GLDC: variants seen among roughly 807,000 people sequenced by gnomAD.
GLDC encodes glycine dehydrogenase (decarboxylating), mitochondrial.
In GLDC, 104 loss-of-function variants were observed where a neutral mutation model predicts 121.3. The observed-to-expected ratio is 0.86, with a 90% CI of 0.73 to 1.01. The LOEUF is 1.01. Ranked by LOEUF, GLDC falls within the 50% of genes least tolerant of loss-of-function variation. The probability of loss-of-function intolerance (pLI) is 0.00; values close to 1 mark genes in which losing one functional copy is unlikely to be tolerated. For synonymous variants in GLDC, 546 were observed against 480.6 expected, an observed-to-expected ratio of 1.14 and a Z score of -1.78; for missense variants, 1,429 against 1,306.6, an observed-to-expected ratio of 1.09 and a Z score of -1.44.
chr9:6,619,586 G>C (rs894654916), intron 3 of GLDC, among the ~76,000 whole-genome samples: 1 of 152,052 alleles, frequency 6.6e-6, no homozygotes, highest in Non-Finnish European at 1.5e-5. Flanking sequence ...AAATTAGCCG[G>C]GGGTGGTTGT....
At chr9:6,637,033 G>A (rs183526612) in intron 2 of GLDC, among the ~76,000 whole-genome samples, 8 of 152,096 alleles carry the variant, frequency 5.3e-5, no homozygotes, top group Admixed American at 5.2e-4. Flanking sequence ...GCAGTGAGCC[G>A]AGATCGTGCC....
At chr9:6,585,288 AAT>A (rs1412480901) in intron 15 of GLDC, among the ~76,000 whole-genome samples, 1 of 152,222 alleles carries the variant, frequency 6.6e-6, no homozygotes, top group African/African-American at 2.4e-5. Flanking sequence ...ATCACTCTCC[AAT>A]ATGACAGTGA....
intron 2 of GLDC, among the ~76,000 whole-genome samples, chr9:6,636,938 G>C (rs1205606152): frequency 3.3e-5 from 5 of 151,596 alleles, no homozygotes; most frequent in African/African-American, 9.7e-5. Flanking sequence ...ACAAAAATTA[G>C]CTGGCTGTGG....
chr9:6,573,145 C>G (rs1412560617), intron 15 of GLDC, among the ~76,000 whole-genome samples: 1 of 152,116 alleles, frequency 6.6e-6, no homozygotes, highest in African/African-American at 2.4e-5. Flanking sequence ...CATGGTGGCT[C>G]ACGCCTGTAA....
intron 16 of GLDC, among the ~76,000 whole-genome samples, chr9:6,562,544 G>A (rs1396078177): frequency 6.6e-6 from 1 of 152,110 alleles, no homozygotes; most frequent in Non-Finnish European, 1.5e-5. Flanking sequence ...CTCTAACTAA[G>A]AAAGTTGGCT....
chr9:6,644,233 C>G (rs1419920445), intron 2 of GLDC, among the ~76,000 whole-genome samples: 1 of 151,790 alleles, frequency 6.6e-6, no homozygotes, highest in Non-Finnish European at 1.5e-5. Context: ...CGACCTTAGG[C>G]AATTCCTAGA....
chr9:6,571,627 C>G (rs1180665197), intron 15 of GLDC, among the ~76,000 whole-genome samples: 2 of 152,152 alleles, frequency 1.3e-5, no homozygotes, highest in Non-Finnish European at 2.9e-5. Flanking sequence ...AGTGGATATG[C>G]TGGACAAAGG....
intron 15 of GLDC, among the ~76,000 whole-genome samples, chr9:6,583,924 A>C (rs1367304563): frequency 6.6e-6 from 1 of 152,214 alleles, no homozygotes; most frequent in Non-Finnish European, 1.5e-5. Flanking sequence ...ATTTGAGAAA[A>C]TCAAAAAGCT....
chr9:6,572,905 T>A (rs1265674550), intron 15 of GLDC, among the ~76,000 whole-genome samples: 1 of 152,176 alleles, frequency 6.6e-6, no homozygotes, highest in Non-Finnish European at 1.5e-5. Flanking sequence ...AAGATCATGT[T>A]AAAGTCACTC....
At chr9:6,556,075 A>T in intron 18 of GLDC, 78 bp downstream of exon 18, 1 of 1,282,816 alleles carries the variant, frequency 7.8e-7, no homozygotes, top group Non-Finnish European at 1.1e-6. Context: ...GAAGCCTCTC[A>T]AGAAGTCAGA....
chr9:6,608,669 C>T (rs1362099930), intron 4 of GLDC, among the ~76,000 whole-genome samples: 2 of 152,134 alleles, frequency 1.3e-5, no homozygotes, highest in Middle Eastern at 6.8e-3. Context: ...TGGCGTGAAC[C>T]CGGGAGGCGG....
chr9:6,591,898 A>C, intron 11 of GLDC: 1 of 397,066 alleles, frequency 2.5e-6, no homozygotes, highest in Non-Finnish European at 4.7e-6. Context: ...GCCTAGAGGC[A>C]CTTTCAATGA....
intron 7 of GLDC, 78 bp downstream of exon 7, chr9:6,604,510 A>G (rs540493483): frequency 7.7e-7 from 1 of 1,295,718 alleles, no homozygotes; most frequent in Non-Finnish European, 1.1e-6. Context: ...GAATTCAGAT[A>G]GAAATCAACA....
chr9:6,629,371 T>C (rs1819314054), intron 2 of GLDC, among the ~76,000 whole-genome samples: 1 of 151,898 alleles, frequency 6.6e-6, no homozygotes, highest in African/African-American at 2.4e-5. Flanking sequence ...CCTGCCACCA[T>C]GCCCGGCTAA....
At chr9:6,547,437 T>C (rs1817418367) in intron 21 of GLDC, among the ~76,000 whole-genome samples, 1 of 152,206 alleles carries the variant, frequency 6.6e-6, no homozygotes, top group South Asian at 2.1e-4. Flanking sequence ...TTGGCCATGA[T>C]ATATTGTTTA....
intron 8 of GLDC, among the ~76,000 whole-genome samples, chr9:6,601,235 C>A (rs569216779): frequency 1.7e-3 from 257 of 152,268 alleles, no homozygotes; most frequent in African/African-American, 5.9e-3. Context: ...TGACTACCAC[C>A]ATCCCCTCAA....
chr9:6,595,210 C>G (rs1241109934), intron 8 of GLDC, 91 bp from the exon 9 acceptor site: 2 of 869,354 alleles, frequency 2.3e-6, no homozygotes, highest in East Asian at 4.8e-5. Flanking sequence ...AAACTGAAGA[C>G]AGCGACAAAA....
chr9:6,592,132 A>C lies in GLDC; in HGVS notation c.1482+11T>G. On this transcript the variant is annotated intron_variant, in intron 11 of 24. Coordinates refer to ENST00000321612, the MANE Select transcript of GLDC (RefSeq NM_000170.3). ...GTTATGATGAGGAACGCATGTTTTT[A>C]TTTTACTTACTGCAGATGACTCACA... 6.5e-7 allele frequency: 1 copy of C among 1,534,562 alleles called. No homozygotes were observed. Among genetic ancestry groups the C allele is most frequent in the Non-Finnish European group, 9.0e-7 (1 of 1,107,552 alleles).
At chr9:6,634,586 T>A (rs1341543140) in intron 2 of GLDC, among the ~76,000 whole-genome samples, 1 of 151,460 alleles carries the variant, frequency 6.6e-6, no homozygotes, top group East Asian at 1.9e-4. Flanking sequence ...ATGCTTCTCC[T>A]GGGCTGCCCG....
Sources: allele counts gnomAD v4.1 joint callset (sites outside exome capture counted in the v4.1 genomes callset), GRCh38; gene constraint gnomAD v4.1.1; transcripts MANE v1.5; gene names NCBI Gene and HGNC (gene_info 2026-07-23, HGNC 2026-07-21).